Variants in GALNT13 observed in about 807,000 individuals in gnomAD.
GALNT13 encodes UDP-GalNAc:polypeptide N-acetylgalactosaminyltransferase 13.
In GALNT13, 28 loss-of-function variants were observed where a neutral mutation model predicts 64.2. The observed-to-expected ratio is 0.44, with a 90% confidence interval of 0.32 to 0.60. GALNT13 has a LOEUF of 0.60. Among genes scored for constraint, GALNT13 ranks in the 20% least tolerant of loss-of-function variants. The pLI is 0.05. For synonymous variants in GALNT13, 214 were observed against 224.6 expected (o/e 0.95, Z 0.42); for missense variants, 577 against 669.8 (o/e 0.86, Z 1.53).
the GALNT13 span, among the ~76,000 whole-genome samples, chr2:153,662,312 A>G: frequency 6.6e-6 from 1 of 152,010 alleles, no homozygotes; most frequent in African/African-American, 2.4e-5. Context: ...CTGCAGCAAA[A>G]CTCAACCTAT....
chr2:153,406,038 A>G, the GALNT13 span, among the ~76,000 whole-genome samples: 1 of 152,188 alleles, frequency 6.6e-6, no homozygotes, highest in Non-Finnish European at 1.5e-5. Flanking sequence ...GAAAAGAGAA[A>G]GTTGCTAAAG....
chr2:153,989,975 C>A (rs1464420596), intron 3 of GALNT13, among the ~76,000 whole-genome samples: 1 of 151,996 alleles, frequency 6.6e-6, no homozygotes, highest in Non-Finnish European at 1.5e-5. Flanking sequence ...CAACATATGA[C>A]AATATGTTGG....
intron 3 of GALNT13, among the ~76,000 whole-genome samples, chr2:153,963,354 T>A (rs1693074346): frequency 6.6e-6 from 1 of 152,216 alleles, no homozygotes; most frequent in Non-Finnish European, 1.5e-5. Context: ...CGTTTCCATC[T>A]TTTCATTATT....
intron 8 of GALNT13, among the ~76,000 whole-genome samples, chr2:154,295,348 T>TTTTATTTTTTTATTTA (rs1553510430): frequency 1.3e-4 from 19 of 142,258 alleles, no homozygotes; most frequent in East Asian, 8.3e-4. Context: ...ATTCTTTTTA[T>TTTTATTTTTTTATTTA]TTTATTTATT....
intron 4 of GALNT13, among the ~76,000 whole-genome samples, chr2:154,174,350 A>C (rs1488702137): frequency 6.6e-6 from 1 of 152,088 alleles, no homozygotes; most frequent in East Asian, 1.9e-4. Context: ...AGGGCACTAC[A>C]TCTATGAAAC....
chr2:154,219,658 T>C (rs1345306192), intron 4 of GALNT13, among the ~76,000 whole-genome samples: 1 of 152,128 alleles, frequency 6.6e-6, no homozygotes, highest in African/African-American at 2.4e-5. Context: ...CCTGCTCCAG[T>C]TGAGCAGTCT....
intron 12 of GALNT13, among the ~76,000 whole-genome samples, chr2:154,442,785 A>AT: frequency 6.6e-6 from 1 of 152,160 alleles, no homozygotes; most frequent in South Asian, 2.1e-4. Context: ...TGAGAATCTA[A>AT]TTTTAGATCA....
the GALNT13 span, among the ~76,000 whole-genome samples, chr2:153,858,860 G>C: frequency 6.6e-6 from 1 of 152,020 alleles, no homozygotes; most frequent in African/African-American, 2.4e-5. Flanking sequence ...AGCCTCCCTA[G>C]TAGATGGGAT....
intron 2 of GALNT13, among the ~76,000 whole-genome samples, chr2:153,910,071 T>C (rs995287838): frequency 1.3e-5 from 2 of 151,844 alleles, no homozygotes; most frequent in Non-Finnish European, 2.9e-5. Flanking sequence ...GCTAGGCTTT[T>C]TTTTTTTTGG....
the GALNT13 span, among the ~76,000 whole-genome samples, chr2:153,261,589 A>G: frequency 6.6e-6 from 1 of 152,130 alleles, no homozygotes; most frequent in Non-Finnish European, 1.5e-5. Flanking sequence ...GACATAAGCA[A>G]ACCTGTGGCC....
the GALNT13 span, among the ~76,000 whole-genome samples, chr2:153,291,078 G>C: frequency 4.6e-5 from 7 of 152,140 alleles, no homozygotes; most frequent in Non-Finnish European, 1.0e-4. Flanking sequence ...AATAAACAAA[G>C]TTGATCTCTG....
At chr2:153,081,167 T>G in the GALNT13 span, among the ~76,000 whole-genome samples, 1 of 152,130 alleles carries the variant, frequency 6.6e-6, no homozygotes, top group Non-Finnish European at 1.5e-5. Context: ...GGTATATACA[T>G]TTTTACTTTG....
chr2:153,575,507 C>CA, the GALNT13 span, among the ~76,000 whole-genome samples: 1 of 152,144 alleles, frequency 6.6e-6, no homozygotes, highest in African/African-American at 2.4e-5. Flanking sequence ...GTGTGGGAGT[C>CA]AGGGGCTAGA....
At chr2:154,329,884 T>G (rs1016788709) in intron 9 of GALNT13, among the ~76,000 whole-genome samples, 11 of 152,236 alleles carry the variant, frequency 7.2e-5, no homozygotes, top group African/African-American at 2.4e-4. Context: ...TCTGCCATGG[T>G]TGAAAACAGC....
chr2:154,298,987 T>A (rs1445134834), intron 8 of GALNT13, among the ~76,000 whole-genome samples: 6 of 139,518 alleles, frequency 4.3e-5, no homozygotes, highest in African/African-American at 1.6e-4. Flanking sequence ...ACATAATTCA[T>A]AATTCTACCG....
rs963893587 is a variant in GALNT13 at position 154,380,540 on chromosome 2, T to A, written c.1157-15451T>A. 2.6e-5 allele frequency among the ~76,000 whole-genome samples: 4 copies of A among 152,172 alleles called. No homozygotes were observed. In the South Asian group the frequency reaches 8.3e-4, roughly 32 times the overall value. On this transcript the variant is annotated intron_variant, in intron 9 of 12. Transcript: ENST00000392825. ...AACCTTATAGTCATCCTTCCAGAAT[T>A]TTTTTCTTCATTTTCTGGGAGATTT...
At chr2:153,448,905 G>A in the GALNT13 span, among the ~76,000 whole-genome samples, 8 of 152,130 alleles carry the variant, frequency 5.3e-5, no homozygotes, top group African/African-American at 1.9e-4. Flanking sequence ...AAGGTTAAAC[G>A]AGGTCATAAG....
At chr2:154,266,097 A>T (rs539843184) in intron 8 of GALNT13, among the ~76,000 whole-genome samples, 1 of 152,300 alleles carries the variant, frequency 6.6e-6, no homozygotes, top group Non-Finnish European at 1.5e-5. Context: ...ACAAACAAAC[A>T]AAAGCCCTGA....
At chr2:153,586,778 C>T in the GALNT13 span, among the ~76,000 whole-genome samples, 1,915 of 151,972 alleles carry the variant, frequency 0.013, 37 homozygotes, top group African/African-American at 0.043. Flanking sequence ...GACCATATGT[C>T]TGGCCATAAA....
Sources: allele counts gnomAD v4.1 joint callset (sites outside exome capture counted in the v4.1 genomes callset), GRCh38; gene constraint gnomAD v4.1.1; transcripts MANE v1.5; gene names NCBI Gene and HGNC (gene_info 2026-07-23, HGNC 2026-07-21).